PHACTR2: variants seen among roughly 807,000 people sequenced by gnomAD.
PHACTR2 encodes the protein chromosome 6 open reading frame 56.
Under a neutral mutation model 76.0 loss-of-function variants are expected in PHACTR2, and 30 were observed. That is an observed-to-expected ratio of 0.39 (90% CI 0.30 to 0.54). PHACTR2 has a LOEUF of 0.54. PHACTR2 is among the 20% of genes least tolerant of loss of function. The pLI is 0.61. For missense variants in PHACTR2, 696 were observed against 781.1 expected (o/e 0.89, Z 1.30); for synonymous variants, 292 against 292.5 (o/e 1.00, Z 0.02).
rs1161588636 is a variant in PHACTR2, at chr6:143,664,620, T to C, written c.14-47396T>C. On this transcript the variant is annotated intron_variant, in intron 1 of 11. Coordinates refer to the PHACTR2 transcript ENST00000305766. This position sits in a 1 kb window ranked among gnomAD's most constrained non-coding sequence, Gnocchi z 5.1. ...AAAGTTTAAAATTATTTAGTACATATATCTTTCCCCGATCAAAATCAGGAC... is the reference window on the plus strand; with the variant it reads ...AAAGTTTAAAATTATTTAGTACATACATCTTTCCCCGATCAAAATCAGGAC... Among the ~76,000 whole-genome samples the C allele has an allele frequency of 6.6e-6, 1 of 152,152 alleles. No homozygotes were observed. The highest frequency in any genetic ancestry group is 1.5e-5 in the Non-Finnish European group (1 of 68,008).
chr6:143,804,901 T>C (rs1776031539), intron 11 of PHACTR2, among the ~76,000 whole-genome samples: 1 of 152,214 alleles, frequency 6.6e-6, no homozygotes, highest in Non-Finnish European at 1.5e-5. Flanking sequence ...AATAATGACA[T>C]TTTATTGACT....
intron 12 of PHACTR2, among the ~76,000 whole-genome samples, chr6:143,814,595 CTTTTTT>C (rs61652528): frequency 4.8e-4 from 52 of 108,418 alleles, no homozygotes; most frequent in African/African-American, 1.9e-3. Flanking sequence ...GACATACACA[CTTTTTT>C]TTTTTTTTTT....
intron 1 of PHACTR2, among the ~76,000 whole-genome samples, chr6:143,630,520 A>G (rs969542567): frequency 1.3e-5 from 2 of 152,188 alleles, no homozygotes; most frequent in African/African-American, 4.8e-5. Context: ...TCAGTAAACA[A>G]CTATCATTAA....
At chr6:143,762,473 A>G (rs1245826483) in intron 5 of PHACTR2, among the ~76,000 whole-genome samples, 1 of 152,254 alleles carries the variant, frequency 6.6e-6, no homozygotes, top group Non-Finnish European at 1.5e-5. Context: ...AGGCTATCAC[A>G]GAGAAAACAG....
rs1450235389 is a variant in PHACTR2, at chr6:143,819,780, C to G, written c.1923-3894C>G. On this transcript the variant is annotated intron_variant, in intron 12 of 12. Transcript: ENST00000440869. The surrounding 1 kb of genome is among the most constrained non-coding windows in gnomAD (Gnocchi z 5.0). ...CGACACTGAGGGAAGATCTTCCCTA[C>G]CTAGTCCACTCAGACTCACAAGCCA... 6.6e-6 allele frequency among the ~76,000 whole-genome samples: 1 copy of G among 152,152 alleles called. No homozygotes were observed. Among genetic ancestry groups the G allele is most frequent in the African/African-American group, 2.4e-5 (1 of 41,426 alleles).
At chr6:143,673,534 A>G (rs1171196762), upstream of PHACTR2, among the ~76,000 whole-genome samples, 1 of 152,174 alleles carries the variant, frequency 6.6e-6, no homozygotes, top group Non-Finnish European at 1.5e-5. Context: ...CATATAAAAG[A>G]TGTCTTTAAG....
At position 143,597,962 on chromosome 6, in the gene PHACTR2, G is replaced by T. The variant is rs540936760; in HGVS notation, c.217+60755G>T. On this transcript the variant is annotated intron_variant, in intron 1 of 11. Coordinates refer to the PHACTR2 transcript ENST00000367584. This position sits in a 1 kb window ranked among gnomAD's most constrained non-coding sequence, Gnocchi z 5.7. The stretch of plus-strand genomic sequence containing the variant: ...CACGCAAGACTTCAGGTGCACCTAC[G>T]GAAGTAGCGGTGGGGGCTTTGGCTG... Among the ~76,000 whole-genome samples, 8 of 152,106 alleles carry T rather than the reference G, an allele frequency of 5.3e-5. No homozygotes were observed. The highest frequency in any genetic ancestry group is 1.2e-4 in the Non-Finnish European group (8 of 68,020).
chr6:143,741,947 CA>C (rs1327453735), intron 2 of PHACTR2, among the ~76,000 whole-genome samples: 1 of 151,196 alleles, frequency 6.6e-6, no homozygotes, highest in Non-Finnish European at 1.5e-5. Context: ...ACCAAAAATA[CA>C]AAAAAAATTA....
chr6:143,637,736 C>G (rs950919812), intron 1 of PHACTR2, among the ~76,000 whole-genome samples: 32 of 152,228 alleles, frequency 2.1e-4, no homozygotes, highest in African/African-American at 7.0e-4. Context: ...CTTGCTTCTT[C>G]AAAGCCAGCA....
chr6:143,744,778 T>A (rs945946298), intron 2 of PHACTR2, among the ~76,000 whole-genome samples: 1 of 152,204 alleles, frequency 6.6e-6, no homozygotes, highest in South Asian at 2.1e-4. Context: ...TGGGAAGTTT[T>A]TGGAAGATTA....
chr6:143,646,966 G>A lies in PHACTR2; in HGVS notation c.13+38644G>A, dbSNP rs1699868088. ...ATTTCTTAAGTGCCCAGTGAGGTAA[G>A]CCTTGCTTCTAAAGAATTTTAAAAT... On this transcript the variant is annotated intron_variant, in intron 1 of 11. Transcript: ENST00000305766. The surrounding 1 kb of genome is among the most constrained non-coding windows in gnomAD (Gnocchi z 4.1). Among the ~76,000 whole-genome samples, 1 of 152,210 alleles carries A rather than the reference G, an allele frequency of 6.6e-6. No homozygotes were observed. The highest frequency in any genetic ancestry group is 2.4e-5 in the African/African-American group (1 of 41,452).
intron 1 of PHACTR2, among the ~76,000 whole-genome samples, chr6:143,638,482 C>T (rs1361494893): frequency 1.3e-5 from 2 of 151,334 alleles, no homozygotes; most frequent in African/African-American, 4.9e-5. Context: ...GAGTTCAAGG[C>T]TGCAGTGACT....
intron 11 of PHACTR2, among the ~76,000 whole-genome samples, chr6:143,805,853 C>T (rs1776052008): frequency 6.6e-6 from 1 of 152,164 alleles, no homozygotes; most frequent in African/African-American, 2.4e-5. Context: ...GAGGGAAAGG[C>T]TCGTGTATTG....
In PHACTR2 at chr6:143,652,066, CAAA is replaced by C. The variant is rs34096520; in HGVS notation, c.13+43757_13+43759del. On this transcript the variant is annotated intron_variant, in intron 1 of 11. Transcript: ENST00000305766. This position sits in a 1 kb window ranked among gnomAD's most constrained non-coding sequence, Gnocchi z 4.5. The stretch of plus-strand genomic sequence containing the variant: ...AGAAATTAAAGTTCTGTTGTTTAAG[CAAA>C]AAAAAAAAAAAAGGCCGGTAAACAC... Among the ~76,000 whole-genome samples, 35 of 107,788 alleles carry C rather than the reference CAAA, an allele frequency of 3.2e-4. No individual in the cohort carries two copies. The highest frequency in any genetic ancestry group is 4.2e-4 in the Non-Finnish European group (21 of 50,518). The allele number at this position is 107,788 out of a possible 152,430, so 70.7% of individuals were successfully genotyped here.
chr6:143,692,198 G>A (rs1019438734), intron 1 of PHACTR2, among the ~76,000 whole-genome samples: 6 of 152,176 alleles, frequency 3.9e-5, no homozygotes, highest in African/African-American at 1.4e-4. Flanking sequence ...TGGCTCACAG[G>A]ACTGGGGAGG....
At chr6:143,600,967 C>A (rs1775809283) in intron 1 of PHACTR2, among the ~76,000 whole-genome samples, 1 of 152,156 alleles carries the variant, frequency 6.6e-6, no homozygotes, top group Non-Finnish European at 1.5e-5. Flanking sequence ...TGCTACAATA[C>A]GAAAGACCTG....
intron 4 of PHACTR2, among the ~76,000 whole-genome samples, chr6:143,758,142 A>G (rs879781494): frequency 6.6e-6 from 1 of 152,182 alleles, no homozygotes; most frequent in African/African-American, 2.4e-5. Context: ...TTGCCAACCA[A>G]TCTGGTGAAC....
Position 143,765,125 on chromosome 6 carries a change from C to A in PHACTR2, c.695-136C>A. 2.9e-6 allele frequency: 2 copies of A among 687,826 alleles called. No individual in the cohort carries two copies. The highest frequency in any genetic ancestry group is 4.9e-6 in the Non-Finnish European group (2 of 410,154). 42.6% of individuals were successfully genotyped at this position (687,826 alleles called of 1,614,324 possible). On this transcript the variant is annotated intron_variant, in intron 5 of 12. Transcript: ENST00000440869. This position sits in a 1 kb window ranked among gnomAD's most constrained non-coding sequence, Gnocchi z 4.1. ...AGACAAGACTATTATCATGATTAGC[C>A]TATTTTCTCTTATACATTTATTCAA...
At chr6:143,665,194 C>T (rs1458483434) in intron 1 of PHACTR2, among the ~76,000 whole-genome samples, 1 of 152,152 alleles carries the variant, frequency 6.6e-6, no homozygotes, top group Non-Finnish European at 1.5e-5. Flanking sequence ...TGAGTGTTTA[C>T]CTGGATATAG....
Sources: gnomAD v4.1 joint callset for allele counts (sites outside exome capture counted in the v4.1 genomes callset) on GRCh38, gnomAD v4.1.1 for gene constraint, Gnocchi (gnomAD v3.1) non-coding constraint, MANE v1.5 for transcripts, NCBI Gene and HGNC (gene_info 2026-07-23, HGNC 2026-07-21) for gene names.